FHIT: variants seen among roughly 807,000 people sequenced by gnomAD.
The protein encoded by FHIT is bis(5'-adenosyl)-triphosphatase.
Under a neutral mutation model 17.9 loss-of-function variants are expected in FHIT, and 19 were observed. The observed-to-expected ratio is 1.06, with a 90% CI of 0.74 to 1.56. The LOEUF (loss-of-function observed/expected upper bound fraction) is 1.56. Ranked by LOEUF, FHIT falls within the 40% of genes most tolerant of loss-of-function variation. FHIT has a pLI of 0.00. For synonymous variants in FHIT, 81 were observed against 69.7 expected (o/e 1.16, Z -0.81); for missense variants, 248 against 189.2 (o/e 1.31, Z -1.82).
intron 7 of FHIT, among the ~76,000 whole-genome samples, chr3:59,924,775 C>T (rs1705570565): frequency 6.6e-6 from 1 of 152,180 alleles, no homozygotes; most frequent in African/African-American, 2.4e-5. Flanking sequence ...CTTTGACTAG[C>T]CATTCTCAAT....
In FHIT at chr3:60,247,865, C is replaced by T. The variant is rs181068339; in HGVS notation, c.104-233713G>A. ...TAGGAGCTCAGTGAAGGGCTTAGCA[C>T]ACAGTAAAGACTTAAGAAATGTTAA... is the stretch of plus-strand genomic sequence containing the variant. On this transcript the variant is annotated intron_variant, in intron 5 of 9. Transcript: ENST00000492590. Among the ~76,000 whole-genome samples, 1,516 of 152,234 alleles carry T rather than the reference C, an allele frequency of 1.0e-2. 16 individuals carry two copies. Among genetic ancestry groups the T allele is most frequent in the Non-Finnish European group, 0.015 (1,054 of 68,016 alleles).
At chr3:60,762,835 T>C (rs1190591466) in intron 4 of FHIT, among the ~76,000 whole-genome samples, 3 of 152,198 alleles carry the variant, frequency 2.0e-5, no homozygotes, top group Non-Finnish European at 4.4e-5. Flanking sequence ...CAGTCTGCTT[T>C]TGGACTTGAG....
At chr3:60,447,958 G>A (rs1416377752) in intron 5 of FHIT, among the ~76,000 whole-genome samples, 1 of 152,132 alleles carries the variant, frequency 6.6e-6, no homozygotes, top group Non-Finnish European at 1.5e-5. Context: ...AAGTAAAAGA[G>A]AAACAACAAA....
intron 5 of FHIT, among the ~76,000 whole-genome samples, chr3:60,169,792 C>T (rs1701338783): frequency 6.6e-6 from 1 of 152,088 alleles, no homozygotes; most frequent in African/African-American, 2.4e-5. Flanking sequence ...ATCTCCGAGG[C>T]CACCCAAACT....
At chr3:60,666,923 A>C (rs1311309453) in intron 4 of FHIT, among the ~76,000 whole-genome samples, 1 of 146,300 alleles carries the variant, frequency 6.8e-6, no homozygotes, top group Non-Finnish European at 1.5e-5. Context: ...GACATAATCA[A>C]GGCTCACTGC....
chr3:59,766,097 T>C (rs1418972154), intron 8 of FHIT, among the ~76,000 whole-genome samples: 1 of 152,156 alleles, frequency 6.6e-6, no homozygotes, highest in Non-Finnish European at 1.5e-5. Context: ...GACAAGGGGA[T>C]GGTTTTTTGT....
intron 5 of FHIT, among the ~76,000 whole-genome samples, chr3:60,150,662 A>T (rs868151097): frequency 8.5e-5 from 13 of 152,332 alleles, no homozygotes; most frequent in Non-Finnish European, 7.3e-5. Context: ...TCACACCTGC[A>T]ATCCCAGAAC....
In FHIT at chr3:60,861,195, C is replaced by T. The variant is rs376034719; in HGVS notation, c.-110-39184G>A. 4.7e-3 allele frequency among the ~76,000 whole-genome samples: 7 copies of T among 1,488 alleles called. 1 individual carries two copies. Among genetic ancestry groups the T allele is most frequent in the South Asian group, 0.026 (1 of 38 alleles). 1.0% of individuals were successfully genotyped at this position (1,488 alleles called of 152,430 possible). A position where few individuals can be genotyped will look rare whatever the true frequency, so the allele number is the denominator to read the frequency against. ...GTTCTATGATATATATGATATATAT[C>T]ATATATGATATATATGATATATATG... On this transcript the variant is annotated intron_variant, in intron 3 of 9. Coordinates refer to ENST00000492590, the MANE Select transcript of FHIT (RefSeq NM_002012.4).
chr3:60,978,196 G>T (rs1041327214), intron 3 of FHIT, among the ~76,000 whole-genome samples: 8 of 152,198 alleles, frequency 5.3e-5, no homozygotes, highest in Admixed American at 5.2e-4. Context: ...GAAGGAAGTA[G>T]ACAGAAGCAG....
intron 1 of FHIT, among the ~76,000 whole-genome samples, chr3:61,242,884 T>C (rs1057398863): frequency 1.5e-4 from 23 of 152,076 alleles, no homozygotes; most frequent in Non-Finnish European, 3.4e-4. Flanking sequence ...GTTGGAAAAA[T>C]ATCTCCAGCA....
chr3:60,395,156 C>G (rs1047994568), intron 5 of FHIT, among the ~76,000 whole-genome samples: 6 of 152,142 alleles, frequency 3.9e-5, no homozygotes, highest in Non-Finnish European at 7.4e-5. Context: ...AGGCTAGATG[C>G]AGATTTGACA....
chr3:59,780,589 GTT>G (rs1283617255), intron 8 of FHIT, among the ~76,000 whole-genome samples: 1 of 152,180 alleles, frequency 6.6e-6, no homozygotes, highest in Non-Finnish European at 1.5e-5. Context: ...TAAGATATTT[GTT>G]AGTAGGGCCT....
chr3:60,363,757 C>T (rs528725252), intron 5 of FHIT, among the ~76,000 whole-genome samples: 1 of 152,138 alleles, frequency 6.6e-6, no homozygotes, highest in South Asian at 2.1e-4. Flanking sequence ...TTCCCTGGCC[C>T]CCCTGGCCCC....
chr3:60,178,112 C>T (rs961941169), intron 5 of FHIT, among the ~76,000 whole-genome samples: 7 of 152,094 alleles, frequency 4.6e-5, no homozygotes, highest in Middle Eastern at 3.2e-3. Flanking sequence ...AATTTCTGTT[C>T]AGGAGGTATT....
intron 3 of FHIT, among the ~76,000 whole-genome samples, chr3:61,005,799 C>A (rs1373232246): frequency 6.6e-6 from 1 of 152,104 alleles, no homozygotes; most frequent in East Asian, 1.9e-4. Flanking sequence ...GCCTGGAGCA[C>A]AGCGAACACT....
chr3:60,644,658 C>G (rs2039811747), intron 4 of FHIT, among the ~76,000 whole-genome samples: 1 of 152,184 alleles, frequency 6.6e-6, no homozygotes, highest in Non-Finnish European at 1.5e-5. Context: ...TGGATAAAAA[C>G]TACAGCAGGC....
chr3:60,549,323 T>C (rs1210380279), intron 4 of FHIT, among the ~76,000 whole-genome samples: 2 of 152,122 alleles, frequency 1.3e-5, no homozygotes, highest in African/African-American at 2.4e-5. Context: ...ATAATAGAAA[T>C]AACAGCTAAG....
At chr3:60,223,773 C>T (rs1431653149) in intron 5 of FHIT, among the ~76,000 whole-genome samples, 2 of 152,162 alleles carry the variant, frequency 1.3e-5, no homozygotes, top group African/African-American at 4.8e-5. Context: ...CTTTGGATTT[C>T]ACCACCTACA....
chr3:60,971,047 T>C (rs980975343), intron 3 of FHIT, among the ~76,000 whole-genome samples: 1 of 152,172 alleles, frequency 6.6e-6, no homozygotes, highest in African/African-American at 2.4e-5. Flanking sequence ...TATATAACTA[T>C]GATGTCATTA....
Sources: gnomAD v4.1 joint callset for allele counts (sites outside exome capture counted in the v4.1 genomes callset) on GRCh38, gnomAD v4.1.1 for gene constraint, MANE v1.5 for transcripts, NCBI Gene and HGNC (gene_info 2026-07-23, HGNC 2026-07-21) for gene names.